Variants in ZSCAN5A observed in about 807,000 individuals in gnomAD.
ZSCAN5A encodes the protein zinc finger and SCAN domain containing 5A, also known as zinc finger and SCAN domain-containing protein 5A.
In ZSCAN5A, 12 loss-of-function variants were observed where a neutral mutation model predicts 23.7. The ratio of observed to expected loss-of-function variants is 0.51; its 90% CI spans 0.32 to 0.82. The LOEUF (loss-of-function observed/expected upper bound fraction) is 0.82, where lower values mean the gene tolerates loss of function less well. ZSCAN5A is among the 40% of genes least tolerant of loss of function. The probability of loss-of-function intolerance (pLI) is 0.03; values close to 1 mark genes in which losing one functional copy is unlikely to be tolerated. For missense variants in ZSCAN5A, 597 were observed against 617.9 expected, an observed-to-expected ratio of 0.97 and a Z score of 0.36; for synonymous variants, 257 against 239.9, an observed-to-expected ratio of 1.07 and a Z score of -0.66.
At chr19:56,287,273 G>A (rs1405579544) in intron 2 of ZSCAN5A, among the ~76,000 whole-genome samples, 2 of 152,248 alleles carry the variant, frequency 1.3e-5, no homozygotes, top group Non-Finnish European at 2.9e-5. Context: ...CAAGAAATGT[G>A]TTGTGGGAAA....
chr19:56,365,089 C>T (rs575837179), intron 1 of ZSCAN5A: 1 of 152,204 alleles, frequency 6.6e-6, no homozygotes, highest in African/African-American at 2.4e-5. Context: ...CACACATAAA[C>T]AAGAACGCTT....
intron 2 of ZSCAN5A, among the ~76,000 whole-genome samples, chr19:56,278,101 AT>A (rs34892463): frequency 0.13 from 18,661 of 144,742 alleles, 1,338 homozygotes; most frequent in Middle Eastern, 0.21. Flanking sequence ...ACAATGTGCT[AT>A]TTTTTTTTTT....
intron 2 of ZSCAN5A, among the ~76,000 whole-genome samples, chr19:56,256,456 C>A (rs1209916274): frequency 6.6e-6 from 1 of 152,146 alleles, no homozygotes; most frequent in Non-Finnish European, 1.5e-5. Flanking sequence ...AGCCTCCCAA[C>A]CAAAGTGCTG....
intron 2 of ZSCAN5A, chr19:56,286,418 A>T (rs370067749): frequency 1.1e-4 from 16 of 152,074 alleles, no homozygotes; most frequent in African/African-American, 3.4e-4. Flanking sequence ...TGCTGCATCT[A>T]TGCACCGCCA....
intron 2 of ZSCAN5A, among the ~76,000 whole-genome samples, chr19:56,356,633 A>G (rs2041702307): frequency 6.7e-6 from 1 of 148,676 alleles, no homozygotes; most frequent in African/African-American, 2.5e-5. Flanking sequence ...TGTAAAATTC[A>G]TTAATTTCCT....
At chr19:56,308,027 CCT>C (rs1324425171) in intron 2 of ZSCAN5A, among the ~76,000 whole-genome samples, 1 of 152,200 alleles carries the variant, frequency 6.6e-6, no homozygotes, top group Non-Finnish European at 1.5e-5. Flanking sequence ...CATTCCATCC[CCT>C]GTCCATATTA....
intron 2 of ZSCAN5A, among the ~76,000 whole-genome samples, chr19:56,331,162 A>G (rs897794871): frequency 2.0e-5 from 3 of 151,998 alleles, no homozygotes; most frequent in African/African-American, 4.8e-5. Flanking sequence ...CCATTGATCT[A>G]TGTCTGTTTT....
chr19:56,277,664 T>A (rs998352439), intron 2 of ZSCAN5A, among the ~76,000 whole-genome samples: 1 of 152,060 alleles, frequency 6.6e-6, no homozygotes, highest in African/African-American at 2.4e-5. Flanking sequence ...AATGGGTGAA[T>A]TGCATGGTAT....
chr19:56,320,179 C>A, intron 2 of ZSCAN5A: 2 of 693,602 alleles, frequency 2.9e-6, no homozygotes, highest in South Asian at 2.8e-5. Flanking sequence ...CTGGTTGTTT[C>A]AAGTTGTTCC....
intron 2 of ZSCAN5A, among the ~76,000 whole-genome samples, chr19:56,248,795 C>CG (rs1194752488): frequency 1.3e-5 from 2 of 152,054 alleles, no homozygotes; most frequent in African/African-American, 4.8e-5. Flanking sequence ...CAGAGTTCCC[C>CG]TAGACTCCCT....
At chr19:56,248,173 ATC>A (rs2036086183) in intron 2 of ZSCAN5A, among the ~76,000 whole-genome samples, 1 of 151,930 alleles carries the variant, frequency 6.6e-6, no homozygotes, top group Non-Finnish European at 1.5e-5. Context: ...TTTTTTTAGT[ATC>A]AGCTTGTTCT....
At chr19:56,249,333 G>A (rs1215460093) in intron 2 of ZSCAN5A, among the ~76,000 whole-genome samples, 2 of 152,116 alleles carry the variant, frequency 1.3e-5, no homozygotes, top group Non-Finnish European at 2.9e-5. Flanking sequence ...GTGCAGTCGC[G>A]CAATCTCGGC....
At chr19:56,364,776 C>G (rs1296231301) in intron 1 of ZSCAN5A, among the ~76,000 whole-genome samples, 1 of 152,174 alleles carries the variant, frequency 6.6e-6, no homozygotes, top group Non-Finnish European at 1.5e-5. Context: ...ATATGAATTG[C>G]TAACATTATG....
intron 2 of ZSCAN5A, chr19:56,299,902 T>G (rs2040119425): frequency 6.6e-6 from 1 of 152,234 alleles, no homozygotes; most frequent in African/African-American, 2.4e-5. Flanking sequence ...TGAGACGTTC[T>G]TGCTATCACC....
chr19:56,361,582 A>G (rs540984545), intron 2 of ZSCAN5A, among the ~76,000 whole-genome samples: 2 of 152,312 alleles, frequency 1.3e-5, no homozygotes, highest in Admixed American at 1.3e-4. Flanking sequence ...GAAAGACATT[A>G]TCCTCAGCAA....
At chr19:56,259,920 G>A (rs1446635484) in intron 2 of ZSCAN5A, among the ~76,000 whole-genome samples, 1 of 152,246 alleles carries the variant, frequency 6.6e-6, no homozygotes. Context: ...CTGCAAATGA[G>A]CTGTGATCGT....
chr19:56,257,276 G>A (rs145921822), intron 2 of ZSCAN5A, among the ~76,000 whole-genome samples: 33 of 152,294 alleles, frequency 2.2e-4, no homozygotes, highest in African/African-American at 6.7e-4. Context: ...AGATTTACAC[G>A]TTAGAATCCC....
At chr19:56,223,505 T>C (rs1435689182) in intron 4 of ZSCAN5A, 126 bp downstream of exon 4, 8 of 961,666 alleles carry the variant, frequency 8.3e-6, no homozygotes, top group East Asian at 2.6e-5. Context: ...TGGGGATGTA[T>C]CATGTCCATG....
intron 2 of ZSCAN5A, among the ~76,000 whole-genome samples, chr19:56,230,468 G>A (rs2034360770): frequency 1.3e-5 from 2 of 152,238 alleles, no homozygotes; most frequent in South Asian, 4.1e-4. Context: ...AACCAAGCTA[G>A]TTAACATCTC....
Sources: gnomAD v4.1 joint callset for allele counts (sites outside exome capture counted in the v4.1 genomes callset) on GRCh38, gnomAD v4.1.1 for gene constraint, MANE v1.5 for transcripts, NCBI Gene and HGNC (gene_info 2026-07-23, HGNC 2026-07-21) for gene names.